The following LRRC28 variants were observed in gnomAD, a reference collection of about 807,000 sequenced individuals.
LRRC28 encodes leucine rich repeat containing 28.
LRRC28 carries 39 observed loss-of-function variants against 45.7 expected under a neutral mutation model. The ratio of observed to expected loss-of-function variants is 0.85; its 90% confidence interval spans 0.66 to 1.12. The LOEUF (loss-of-function observed/expected upper bound fraction) is 1.12. Ranked by LOEUF, LRRC28 falls within the 50% of genes most tolerant of loss-of-function variation. The pLI is 0.00. For synonymous variants in LRRC28, 206 were observed against 178.8 expected, an observed-to-expected ratio of 1.15 and a Z score of -1.22; for missense variants, 435 against 438.5, an observed-to-expected ratio of 0.99 and a Z score of 0.07.
At chr15:99,258,048 A>G (rs764446068) in intron 2 of LRRC28, 25 of 1,341,450 alleles carry the variant, frequency 1.9e-5, no homozygotes, top group Non-Finnish European at 2.7e-5. Flanking sequence ...AAGGTGAAGA[A>G]CCTACTGCAT....
At chr15:99,315,885 C>T (rs914864531) in intron 5 of LRRC28, among the ~76,000 whole-genome samples, 1 of 152,122 alleles carries the variant, frequency 6.6e-6, no homozygotes, top group Non-Finnish European at 1.5e-5. Context: ...GGCAGCAGAG[C>T]AAGAACCTGT....
intron 6 of LRRC28, among the ~76,000 whole-genome samples, chr15:99,335,772 C>T (rs186403161): frequency 7.8e-4 from 118 of 152,150 alleles, no homozygotes; most frequent in East Asian, 5.4e-3. Context: ...TGACCTACAC[C>T]AGTGCCAACT....
chr15:99,368,869 C>T (rs768651927), intron 9 of LRRC28, among the ~76,000 whole-genome samples: 1 of 152,154 alleles, frequency 6.6e-6, no homozygotes, highest in Non-Finnish European at 1.5e-5. Flanking sequence ...TAATAATGTG[C>T]TCAATTCATC....
At chr15:99,379,348 C>G (rs1275061640) in intron 9 of LRRC28, among the ~76,000 whole-genome samples, 1 of 152,194 alleles carries the variant, frequency 6.6e-6, no homozygotes. Context: ...ATAGTATTCT[C>G]TGATGGTAGT....
intron 5 of LRRC28, among the ~76,000 whole-genome samples, chr15:99,302,713 T>C (rs1412682259): frequency 6.6e-6 from 1 of 152,240 alleles, no homozygotes; most frequent in Non-Finnish European, 1.5e-5. Flanking sequence ...CTGGTGCCTG[T>C]TTATTGCTAG....
intron 6 of LRRC28, among the ~76,000 whole-genome samples, chr15:99,351,698 G>A (rs1485552266): frequency 6.6e-6 from 1 of 152,168 alleles, no homozygotes; most frequent in East Asian, 1.9e-4. Context: ...GTGAGACACA[G>A]GAAATCTCTG....
chr15:99,385,148 G>A (rs1957943630), intron 9 of LRRC28, among the ~76,000 whole-genome samples: 1 of 135,572 alleles, frequency 7.4e-6, no homozygotes. Context: ...GAGGGAGTGG[G>A]GTGGAAATAC....
In LRRC28 at chr15:99,319,098, CA is replaced by C. The variant is rs779509739; in HGVS notation, c.386-14822del. Among the ~76,000 whole-genome samples, 3 of 152,184 alleles carry C rather than the reference CA, an allele frequency of 2.0e-5. No individual in the cohort carries two copies. In the South Asian group the frequency reaches 6.2e-4, roughly 32 times the overall value. On this transcript the variant is annotated intron_variant, in intron 5 of 9. Coordinates refer to ENST00000301981, the MANE Select transcript of LRRC28 (RefSeq NM_144598.5). ...AGAGATTACTTTTACTTATTCTGTGCAAAGTAGTAAAGTTAAAAAATAAATT... is the reference window on the plus strand; with the variant it reads ...AGAGATTACTTTTACTTATTCTGTGCAAGTAGTAAAGTTAAAAAATAAATT...
chr15:99,380,947 A>C (rs2202941), intron 9 of LRRC28, among the ~76,000 whole-genome samples: 4 of 152,096 alleles, frequency 2.6e-5, no homozygotes, highest in East Asian at 1.9e-4. Context: ...CGACCTTTCT[A>C]TCTGGCTGCC....
intron 3 of LRRC28, among the ~76,000 whole-genome samples, chr15:99,282,191 T>TTTTTTTTTTTTTTTTG (rs1327794715): frequency 3.6e-5 from 5 of 138,382 alleles, no homozygotes; most frequent in African/African-American, 5.2e-5. Flanking sequence ...TTTTTTTTTT[T>TTTTTTTTTTTTTTTTG]GTAGCAGTAG....
chr15:99,349,034 T>C (rs1956786485), intron 6 of LRRC28, among the ~76,000 whole-genome samples: 1 of 152,156 alleles, frequency 6.6e-6, no homozygotes, highest in African/African-American at 2.4e-5. Context: ...TAAAAAATAC[T>C]ATCATAAATG....
At chr15:99,314,227 T>C (rs1187522895) in intron 5 of LRRC28, among the ~76,000 whole-genome samples, 1 of 152,094 alleles carries the variant, frequency 6.6e-6, no homozygotes, top group South Asian at 2.1e-4. Context: ...GGTGGATCAC[T>C]TGAATCTAGG....
Position 99,255,979 on chromosome 15 carries a change from A to G in LRRC28, c.22A>G (p.Thr8Ala), listed in dbSNP as rs1160337003. The G allele has an allele frequency of 1.9e-6, 3 of 1,612,562 alleles. No individual in the cohort carries two copies. The highest frequency in any genetic ancestry group is 1.1e-5 in the South Asian group (1 of 90,996). MASELCK[T>A]ISVARLEKHK... is the part of the protein sequence containing the mutation. ...AGTCATGGCGTCCGAACTTTGTAAG[A>G]CGATCTCTGTGGCAAGGCTAGAAAA... Residue 8 changes from threonine to alanine, a missense_variant, in exon 2 of 10, where the codon ACG becomes GCG. By Grantham distance (58) the Thr-to-Ala change is moderately conservative. Transcript: ENST00000301981.
At position 99,390,365 on chromosome 15, in the gene LRRC28, G is replaced by GT. The variant is rs1274855307; in HGVS notation, c.*4264dup. On this transcript the variant is annotated 3_prime_UTR_variant, in exon 10 of 10. Coordinates refer to ENST00000301981, the MANE Select transcript of LRRC28 (RefSeq NM_144598.5). ...CGAGTGTGGTGGATGGGCAGAAGGTGTAGCATTCGGAGATTATTTCTGTAT... is the reference window on the plus strand; with the variant it reads ...CGAGTGTGGTGGATGGGCAGAAGGTGTTAGCATTCGGAGATTATTTCTGTAT... 7 of 152,238 alleles carry GT rather than the reference G, an allele frequency of 4.6e-5. No homozygotes were observed. The highest frequency in any genetic ancestry group is 1.7e-4 in the African/African-American group (7 of 41,450). The allele number at this position is 152,238 out of a possible 1,614,324, so 9.4% of individuals were successfully genotyped here. A position where few individuals can be genotyped will look rare whatever the true frequency, so the allele number is the denominator to read the frequency against.
chr15:99,374,874 A>G (rs1567708616), intron 9 of LRRC28, among the ~76,000 whole-genome samples: 1 of 151,444 alleles, frequency 6.6e-6, no homozygotes, highest in Non-Finnish European at 1.5e-5. Context: ...TTACTGTATT[A>G]GTCAAGATGA....
In LRRC28 at chr15:99,374,178, T is replaced by C. The variant is rs1256156196; in HGVS notation, c.1031+10913T>C. On this transcript the variant is annotated intron_variant, in intron 9 of 9. Transcript: ENST00000301981. ...TAAGAATTGCTTTAACTTTATAGAT[T>C]AATTTGGAAACGGTTGACATATATG... Among the ~76,000 whole-genome samples, 4 of 152,124 alleles carry C rather than the reference T, an allele frequency of 2.6e-5. No homozygotes were observed. In the East Asian group the frequency reaches 5.8e-4, roughly 22 times the overall value.
At chr15:99,372,846 T>A (rs6598239) in intron 9 of LRRC28, among the ~76,000 whole-genome samples, 19,929 of 152,066 alleles carry the variant, frequency 0.13, 1,511 homozygotes, top group East Asian at 0.3. Context: ...CAGTTCCACA[T>A]GGCTGAGGAG....
chr15:99,270,413 TC>T (rs1456244366), intron 2 of LRRC28, among the ~76,000 whole-genome samples: 1 of 151,750 alleles, frequency 6.6e-6, no homozygotes, highest in African/African-American at 2.4e-5. Flanking sequence ...ATTAAGCAGT[TC>T]CTCCCCATTG....
At chr15:99,361,605 ATTATTGTGGT>A in intron 8 of LRRC28, 94 bp downstream of exon 8, 2 of 1,263,688 alleles carry the variant, frequency 1.6e-6, no homozygotes, top group Non-Finnish European at 2.2e-6. Context: ...TAAAAAAAAA[ATTATTGTGGT>A]AAAATACACA....
Sources: allele counts gnomAD v4.1 joint callset (sites outside exome capture counted in the v4.1 genomes callset), GRCh38; gene constraint gnomAD v4.1.1; transcripts MANE v1.5; gene names NCBI Gene and HGNC (gene_info 2026-07-23, HGNC 2026-07-21).